Variants in GRM5 observed in about 807,000 individuals in gnomAD.
GRM5 encodes glutamate metabotropic receptor 5, also known as metabotropic glutamate receptor 5.
A neutral mutation model predicts 83.1 loss-of-function variants in GRM5; 19 were observed. The ratio of observed to expected loss-of-function variants is 0.23; its 90% CI spans 0.16 to 0.34. GRM5 has a LOEUF of 0.34. Ranked by LOEUF, GRM5 falls within the 10% of genes least tolerant of loss-of-function variation. The pLI is 1.00. For synonymous variants in GRM5, 675 were observed against 633.6 expected, an observed-to-expected ratio of 1.07 and a Z score of -0.98; for missense variants, 1,160 against 1,588.3, an observed-to-expected ratio of 0.73 and a Z score of 4.58.
chr11:88,900,645 T>G (rs900650708), intron 2 of GRM5, among the ~76,000 whole-genome samples: 1 of 152,140 alleles, frequency 6.6e-6, no homozygotes, highest in Non-Finnish European at 1.5e-5. Flanking sequence ...AAATATTCAA[T>G]TATATAAAAT....
chr11:88,863,791 A>C (rs1295384913), intron 2 of GRM5, among the ~76,000 whole-genome samples: 1 of 152,004 alleles, frequency 6.6e-6, no homozygotes, highest in Non-Finnish European at 1.5e-5. Flanking sequence ...GAGACACTTA[A>C]AAATTTAACA....
chr11:88,868,113 T>C (rs1944702837), intron 2 of GRM5, among the ~76,000 whole-genome samples: 1 of 151,936 alleles, frequency 6.6e-6, no homozygotes, highest in African/African-American at 2.4e-5. Flanking sequence ...CTTCAGTTTC[T>C]TTAATCATAT....
chr11:88,513,487 T>C (rs1941437923), intron 9 of GRM5, among the ~76,000 whole-genome samples: 1 of 152,206 alleles, frequency 6.6e-6, no homozygotes, highest in Admixed American at 6.5e-5. Context: ...CTTTAATCAA[T>C]AGTACTCAAT....
intron 4 of GRM5, among the ~76,000 whole-genome samples, chr11:88,649,291 C>CATTACATATTATATATTATATATATGTA (rs1939563371): frequency 4.2e-5 from 1 of 23,802 alleles, no homozygotes; most frequent in Non-Finnish European, 1.4e-3. Flanking sequence ...ATATGTAATA[C>CATTACATATTATATATTATATATATGTA]ATATATATTA....
chr11:88,986,036 A>C (rs928061508), intron 2 of GRM5, among the ~76,000 whole-genome samples: 1 of 152,182 alleles, frequency 6.6e-6, no homozygotes, highest in African/African-American at 2.4e-5. Context: ...TATCCTAAAA[A>C]ATGAAAAATT....
intron 3 of GRM5, among the ~76,000 whole-genome samples, chr11:88,807,857 A>G (rs566388483): frequency 6.6e-6 from 1 of 152,232 alleles, no homozygotes; most frequent in East Asian, 1.9e-4. Context: ...TATACGTATT[A>G]GTCAATTAAC....
At chr11:88,558,049 T>C (rs947750113) in intron 8 of GRM5, among the ~76,000 whole-genome samples, 1 of 152,148 alleles carries the variant, frequency 6.6e-6, no homozygotes, top group Admixed American at 6.6e-5. Flanking sequence ...CCCCCACTAC[T>C]CTGTGAGCTT....
chr11:88,536,875 T>C (rs371131997), intron 8 of GRM5, among the ~76,000 whole-genome samples: 33 of 152,296 alleles, frequency 2.2e-4, no homozygotes, highest in African/African-American at 7.5e-4. Flanking sequence ...AATATACTTT[T>C]GAATAGCATT....
chr11:88,561,343 A>T (rs1020659885), intron 8 of GRM5, among the ~76,000 whole-genome samples: 1 of 152,186 alleles, frequency 6.6e-6, no homozygotes, highest in East Asian at 1.9e-4. Context: ...TCTAAATTTC[A>T]GTTAAGGTGG....
chr11:88,882,656 AAT>A (rs1315442723), intron 2 of GRM5, among the ~76,000 whole-genome samples: 5 of 152,166 alleles, frequency 3.3e-5, no homozygotes, highest in African/African-American at 1.2e-4. Context: ...TATATTAATA[AAT>A]ATGTCAGGCT....
intron 7 of GRM5, among the ~76,000 whole-genome samples, chr11:88,586,005 A>T (rs868759143): frequency 2.0e-5 from 3 of 152,220 alleles, no homozygotes; most frequent in African/African-American, 7.2e-5. Context: ...CTAAGAATTT[A>T]TGACTGCTAT....
intron 2 of GRM5, among the ~76,000 whole-genome samples, chr11:88,927,234 C>T (rs1313278394): frequency 8.9e-6 from 1 of 112,618 alleles, no homozygotes; most frequent in Admixed American, 8.9e-5. Context: ...TATTTCGATT[C>T]TTCTAGGGCT....
intron 2 of GRM5, among the ~76,000 whole-genome samples, chr11:88,864,579 G>C (rs918178710): frequency 6.6e-6 from 1 of 152,006 alleles, no homozygotes; most frequent in African/African-American, 2.4e-5. Context: ...GGGCTGAGAT[G>C]ATAGGGTTTA....
chr11:88,714,170 T>G (rs896748294), intron 3 of GRM5, among the ~76,000 whole-genome samples: 5 of 152,014 alleles, frequency 3.3e-5, no homozygotes, highest in Non-Finnish European at 7.4e-5. Flanking sequence ...GAGAATAACT[T>G]TTGGAGAAAC....
At chr11:88,824,667 T>C (rs779990230) in intron 3 of GRM5, among the ~76,000 whole-genome samples, 1 of 152,160 alleles carries the variant, frequency 6.6e-6, no homozygotes, top group African/African-American at 2.4e-5. Context: ...CTACCACTGA[T>C]CTGACAGGAG....
At chr11:88,988,773 G>A (rs1939843172) in intron 2 of GRM5, among the ~76,000 whole-genome samples, 2 of 148,060 alleles carry the variant, frequency 1.4e-5, no homozygotes, top group African/African-American at 5.0e-5. Flanking sequence ...CTTCATAAGT[G>A]AAGGAGAAAT....
chr11:88,636,826 T>A (rs181926240), intron 4 of GRM5, among the ~76,000 whole-genome samples: 1 of 152,156 alleles, frequency 6.6e-6, no homozygotes, highest in Non-Finnish European at 1.5e-5. Context: ...CCCCATTGCT[T>A]GTTTTTCTCA....
chr11:88,975,781 T>A (rs1248396393), intron 2 of GRM5, among the ~76,000 whole-genome samples: 2 of 152,236 alleles, frequency 1.3e-5, no homozygotes, highest in African/African-American at 2.4e-5. Context: ...AATGTTGGTC[T>A]CATTTTGATT....
chr11:89,005,224 A>C (rs1165241735), intron 2 of GRM5, among the ~76,000 whole-genome samples: 1 of 152,216 alleles, frequency 6.6e-6, no homozygotes, highest in Non-Finnish European at 1.5e-5. Flanking sequence ...AAAGAAAGAA[A>C]TTTGAAGTTG....
Sources: gnomAD v4.1 joint callset for allele counts (sites outside exome capture counted in the v4.1 genomes callset) on GRCh38, gnomAD v4.1.1 for gene constraint, MANE v1.5 for transcripts, NCBI Gene and HGNC (gene_info 2026-07-23, HGNC 2026-07-21) for gene names.